UNC13B: variants seen among roughly 807,000 people sequenced by gnomAD.
The protein encoded by UNC13B is protein unc-13 homolog B.
A neutral mutation model predicts 211.0 loss-of-function variants in UNC13B; 144 were observed. That is an observed-to-expected ratio of 0.68 (90% confidence interval 0.60 to 0.78). The LOEUF is 0.78. Among genes scored for constraint, UNC13B ranks in the 30% least tolerant of loss-of-function variants. The probability of loss-of-function intolerance (pLI) is 0.00; values close to 1 mark genes in which losing one functional copy is unlikely to be tolerated. For synonymous variants in UNC13B, 709 were observed against 725.8 expected (o/e 0.98, Z 0.37); for missense variants, 1,777 against 2,002.0 (o/e 0.89, Z 2.14).
rs1829687694 is a variant in UNC13B at position 35,301,586 on chromosome 9, T to C, written c.2182T>C (p.Leu728=). ...GTTCCAGATGCCCACAAGTGAGAAT[T>C]TGTTGTCCTCCCAAGTAACCAGTGA... The part of the protein sequence containing the change: ...GWFQMPTSEN[L]LSSQVTSEPS... Residue 728 remains leucine (L), a synonymous_variant, in exon 9 of 40, where the codon TTG becomes CTG. Transcript: ENST00000635942. 1 of 398,768 alleles carries C rather than the reference T, an allele frequency of 2.5e-6. No individual in the cohort carries two copies. Among genetic ancestry groups the C allele is most frequent in the Admixed American group, 4.4e-5 (1 of 22,704 alleles). The allele number at this position is 398,768 out of a possible 1,614,324, so 24.7% of individuals were successfully genotyped here.
chr9:35,284,883 T>A (rs1828704590), intron 7 of UNC13B, among the ~76,000 whole-genome samples: 2 of 152,210 alleles, frequency 1.3e-5, no homozygotes, highest in South Asian at 4.1e-4. Flanking sequence ...TTTAATGTCA[T>A]GGAAACATTA....
chr9:35,204,631 T>G (rs1823536533), intron 1 of UNC13B, among the ~76,000 whole-genome samples: 1 of 152,228 alleles, frequency 6.6e-6, no homozygotes, highest in Non-Finnish European at 1.5e-5. Flanking sequence ...GACTGCCTAC[T>G]GGGTTTGGGA....
intron 1 of UNC13B, among the ~76,000 whole-genome samples, chr9:35,196,476 G>GT (rs1044196210): frequency 1.3e-5 from 2 of 152,154 alleles, no homozygotes; most frequent in African/African-American, 2.4e-5. Context: ...GAAGTTACAT[G>GT]TTTTTTTGAG....
intron 7 of UNC13B, among the ~76,000 whole-genome samples, chr9:35,282,474 A>AG (rs1319434470): frequency 6.6e-6 from 1 of 152,090 alleles, no homozygotes; most frequent in Non-Finnish European, 1.5e-5. Flanking sequence ...TCTGTCACCC[A>AG]GGCTGGAGTG....
chr9:35,179,449 G>A (rs1438165317), intron 1 of UNC13B, among the ~76,000 whole-genome samples: 1 of 152,104 alleles, frequency 6.6e-6, no homozygotes, highest in Admixed American at 6.6e-5. Context: ...AATCTCGCTA[G>A]GTAGTGACTA....
At chr9:35,201,526 C>T (rs1259889906) in intron 1 of UNC13B, among the ~76,000 whole-genome samples, 1 of 152,142 alleles carries the variant, frequency 6.6e-6, no homozygotes, top group East Asian at 1.9e-4. Context: ...TGTTATTGGT[C>T]TATTCAGGGA....
intron 37 of UNC13B, chr9:35,401,894 T>G (rs1836321759): frequency 6.6e-7 from 1 of 1,505,908 alleles, no homozygotes; most frequent in Non-Finnish European, 9.0e-7. Context: ...TGCTAACGGA[T>G]TCTTCTTTCT....
At position 35,307,881 on chromosome 9, in the gene UNC13B, G is replaced by A. The variant is rs1391708009; in HGVS notation, c.8477G>A (p.Ser2826Asn). The A allele has an allele frequency of 2.5e-6, 1 of 398,872 alleles. No individual in the cohort carries two copies. Among genetic ancestry groups the A allele is most frequent in the Non-Finnish European group, 4.4e-6 (1 of 226,098 alleles). The allele number at this position is 398,872 out of a possible 1,614,324, so 24.7% of individuals were successfully genotyped here. Reference protein sequence around the residue: ...LFEGSSEGKGSVLASDSKLGF... With the variant: ...LFEGSSEGKGNVLASDSKLGF... The stretch of plus-strand genomic sequence containing the variant: ...GAGGGAAGTAGTGAGGGGAAAGGGA[G>A]TGTATTAGCAAGTGATTCAAAACTA... The change falls in exon 9 of 40, where the codon AGT (serine) becomes AAT (asparagine). Residue 2826 changes from serine (S) to asparagine (N), a missense_variant. Coordinates refer to ENST00000635942, the MANE Select transcript of UNC13B (RefSeq NM_001371189.2).
intron 6 of UNC13B, among the ~76,000 whole-genome samples, chr9:35,257,781 T>A (rs945277727): frequency 1.3e-5 from 2 of 152,050 alleles, no homozygotes; most frequent in Non-Finnish European, 2.9e-5. Flanking sequence ...AAAAGTGTTT[T>A]GTATTTTGGA....
chr9:35,260,507 T>C (rs1827213321), intron 7 of UNC13B, among the ~76,000 whole-genome samples: 1 of 152,198 alleles, frequency 6.6e-6, no homozygotes, highest in Admixed American at 6.5e-5. Flanking sequence ...ATTGATTCCT[T>C]CATATTGTTT....
intron 7 of UNC13B, among the ~76,000 whole-genome samples, chr9:35,287,414 G>C (rs1459928835): frequency 6.6e-6 from 1 of 152,196 alleles, no homozygotes; most frequent in South Asian, 2.1e-4. Context: ...TTACAGGCAA[G>C]AGCCACCATG....
At chr9:35,291,093 G>A (rs532935847) in intron 7 of UNC13B, 2 of 1,550,370 alleles carry the variant, frequency 1.3e-6, no homozygotes, top group East Asian at 4.9e-5. Flanking sequence ...TTGGGCTGGG[G>A]AGAACAACAG....
intron 1 of UNC13B, among the ~76,000 whole-genome samples, chr9:35,171,604 A>G (rs1821336683): frequency 6.6e-6 from 1 of 152,010 alleles, no homozygotes; most frequent in African/African-American, 2.4e-5. Context: ...GGGTCTCCCT[A>G]TGTTGCCCAG....
At position 35,313,904 on chromosome 9, in the gene UNC13B, C is replaced by A; in HGVS notation, c.9329C>A (p.Pro3110His). 1 of 1,613,280 alleles carries A rather than the reference C, an allele frequency of 6.2e-7. No individual in the cohort carries two copies. Among genetic ancestry groups the A allele is most frequent in the Non-Finnish European group, 8.5e-7 (1 of 1,179,360 alleles). ...TACTTTTTCTCTGTTACAAGTTTTC[C>A]TGAGGAGAATGCATCTTCACCATTT... is the stretch of plus-strand genomic sequence containing the variant. ...DHFLGPQESF[P>H]EENASSPFTQ... is the part of the protein sequence containing the mutation. The change falls in exon 11 of 40, where the codon CCT (proline) becomes CAT (histidine). Residue 3110 changes from proline to histidine, a missense_variant. Coordinates refer to ENST00000635942, the MANE Select transcript of UNC13B (RefSeq NM_001371189.2).
At position 35,382,385 on chromosome 9, in the gene UNC13B, A is replaced by T. The variant is rs756001226; in HGVS notation, c.10684A>T (p.Met3562Leu). Residue 3562 changes from methionine (M) to leucine (L), a missense_variant, in exon 21 of 40, where the codon ATG becomes TTG. Coordinates refer to ENST00000635942, the MANE Select transcript of UNC13B (RefSeq NM_001371189.2). ...THFACLSSKY[M>L]CPGVPAVMST... ...CTTTGCATGTTTATCATCCAAGTAC[A>T]TGTGTCCTGGTGTGCCAGCAGTGAT... 6.2e-7 allele frequency: 1 copy of T among 1,613,898 alleles called. No homozygotes were observed. Among genetic ancestry groups the T allele is most frequent in the Non-Finnish European group, 8.5e-7 (1 of 1,179,954 alleles).
At chr9:35,403,337 C>A in intron 38 of UNC13B, 78 bp downstream of exon 38, 1 of 1,598,426 alleles carries the variant, frequency 6.3e-7, no homozygotes, top group Admixed American at 1.7e-5. Flanking sequence ...GGCTGCTCAT[C>A]CCAGCCCTCC....
At chr9:35,382,253 G>T in intron 20 of UNC13B, 104 bp from the exon 21 acceptor site, 1 of 1,478,556 alleles carries the variant, frequency 6.8e-7, no homozygotes, top group East Asian at 2.3e-5. Context: ...GGCAGCAATT[G>T]CCCTGGCTGT....
intron 37 of UNC13B, among the ~76,000 whole-genome samples, chr9:35,402,804 AAGAG>A (rs1476897028): frequency 1.3e-5 from 2 of 152,126 alleles, no homozygotes; most frequent in Admixed American, 1.3e-4. Context: ...TTTTTCCATT[AAGAG>A]ACACTACCAG....
At chr9:35,311,938 G>A (rs141320301) in intron 10 of UNC13B, among the ~76,000 whole-genome samples, 3 of 152,294 alleles carry the variant, frequency 2.0e-5, no homozygotes, top group African/African-American at 7.2e-5. Context: ...TGATAGGTTG[G>A]AGCAGAGCCA....
Sources: gnomAD v4.1 joint callset for allele counts (sites outside exome capture counted in the v4.1 genomes callset) on GRCh38, gnomAD v4.1.1 for gene constraint, MANE v1.5 for transcripts, NCBI Gene and HGNC (gene_info 2026-07-23, HGNC 2026-07-21) for gene names.